The following CRIM1 variants were observed in gnomAD, a reference collection of about 807,000 sequenced individuals.
CRIM1 encodes the protein cysteine rich transmembrane BMP regulator 1.
In CRIM1, 32 loss-of-function variants were observed where a neutral mutation model predicts 116.4. The ratio of observed to expected loss-of-function variants is 0.27; its 90% CI spans 0.21 to 0.37. The LOEUF is 0.37. Among genes scored for constraint, CRIM1 ranks in the 10% least tolerant of loss-of-function variants. The pLI is 1.00. For missense variants in CRIM1, 1,331 were observed against 1,354.8 expected (o/e 0.98, Z 0.28); for synonymous variants, 590 against 509.2 (o/e 1.16, Z -2.13).
At chr2:36,466,241 T>C (rs932639582) in intron 5 of CRIM1, among the ~76,000 whole-genome samples, 1 of 152,018 alleles carries the variant, frequency 6.6e-6, no homozygotes, top group Non-Finnish European at 1.5e-5. Flanking sequence ...GTTCTGGACA[T>C]TGGGGATGGG....
intron 5 of CRIM1, among the ~76,000 whole-genome samples, chr2:36,468,857 G>A (rs548495818): frequency 1.3e-5 from 2 of 152,202 alleles, no homozygotes; most frequent in South Asian, 2.1e-4. Context: ...TCTTAGATAC[G>A]AGCATTTGTC....
intron 2 of CRIM1, among the ~76,000 whole-genome samples, chr2:36,406,439 GA>G: frequency 6.6e-6 from 1 of 152,206 alleles, no homozygotes; most frequent in African/African-American, 2.4e-5. Flanking sequence ...AATCAGCTGG[GA>G]CCTTGATGAT....
At position 36,474,225 on chromosome 2, in the gene CRIM1, T is replaced by G. The variant is rs2125033391; in HGVS notation, c.992-2664T>G. Among the ~76,000 whole-genome samples, 2 of 152,330 alleles carry G rather than the reference T, an allele frequency of 1.3e-5. 1 individual carries two copies. Among genetic ancestry groups the G allele is most frequent in the South Asian group, 4.2e-4 (2 of 4,816 alleles). ...AATTATGGGAGTTCTCGGTACCAGTTTTTTTAAATCAGATATATGATTGCA... is the reference window on the plus strand; with the variant it reads ...AATTATGGGAGTTCTCGGTACCAGTGTTTTTAAATCAGATATATGATTGCA... On this transcript the variant is annotated intron_variant, in intron 5 of 16. Transcript: ENST00000280527.
intron 1 of CRIM1, among the ~76,000 whole-genome samples, chr2:36,380,445 G>C (rs1224784814): frequency 6.6e-6 from 1 of 152,154 alleles, no homozygotes; most frequent in African/African-American, 2.4e-5. Flanking sequence ...GGGTGACCTT[G>C]ATAGGATGCA....
At chr2:36,386,350 C>G (rs142305115) in intron 1 of CRIM1, among the ~76,000 whole-genome samples, 244 of 152,228 alleles carry the variant, frequency 1.6e-3, no homozygotes, top group African/African-American at 5.8e-3. Flanking sequence ...TTCATTCACT[C>G]TTTTGACATG....
chr2:36,441,561 C>T, intron 3 of CRIM1, 61 bp downstream of exon 3: 3 of 1,578,336 alleles, frequency 1.9e-6, no homozygotes, highest in Middle Eastern at 1.7e-4. Flanking sequence ...GCAGATCCCT[C>T]CTCAGCCACC....
At chr2:36,357,125 CTT>C in intron 1 of CRIM1, among the ~76,000 whole-genome samples, 1 of 152,312 alleles carries the variant, frequency 6.6e-6, no homozygotes, top group South Asian at 2.1e-4. Context: ...CCGAGTGACT[CTT>C]ATTATTTTTT....
chr2:36,361,363 T>G (rs369279677), intron 1 of CRIM1, among the ~76,000 whole-genome samples: 8 of 152,222 alleles, frequency 5.3e-5, no homozygotes, highest in African/African-American at 1.9e-4. Flanking sequence ...GTGTAGGCAT[T>G]ACATCCATTT....
chr2:36,406,633 C>CCCCCA (rs1558548535), intron 2 of CRIM1, among the ~76,000 whole-genome samples: 1 of 118,214 alleles, frequency 8.5e-6, no homozygotes, highest in Non-Finnish European at 1.7e-5. Context: ...CCCCCCCCCC[C>CCCCCA]AAAAAAAAAC....
chr2:36,467,501 A>T lies in CRIM1; in HGVS notation c.991+2846A>T, dbSNP rs1678143386. 2.0e-5 allele frequency among the ~76,000 whole-genome samples: 3 copies of T among 152,236 alleles called. No homozygotes were observed. In the South Asian group the frequency reaches 6.2e-4, roughly 32 times the overall value. ...AGGTCACCATTAGAAGATACTACAT[A>T]TCAAAGATTCATTATCATCACTTAG... On this transcript the variant is annotated intron_variant, in intron 5 of 16. Coordinates refer to ENST00000280527, the MANE Select transcript of CRIM1 (RefSeq NM_016441.3).
intron 7 of CRIM1, among the ~76,000 whole-genome samples, chr2:36,486,365 C>A (rs1042790072): frequency 6.6e-6 from 1 of 152,158 alleles, no homozygotes; most frequent in Admixed American, 6.6e-5. Context: ...CCAAGTCCAG[C>A]ATGTCTTTGC....
chr2:36,378,326 G>A (rs1462441779), intron 1 of CRIM1: 1 of 471,002 alleles, frequency 2.1e-6, no homozygotes, highest in African/African-American at 2.0e-5. Flanking sequence ...TGTCCTCCTA[G>A]GCAGGCGCCA....
chr2:36,422,198 G>T (rs1241149519), intron 2 of CRIM1, among the ~76,000 whole-genome samples: 1 of 150,588 alleles, frequency 6.6e-6, no homozygotes, highest in Non-Finnish European at 1.5e-5. Context: ...TGTTTCTTGG[G>T]GGATTTGTCT....
chr2:36,492,265 T>G (rs1487969004), intron 7 of CRIM1, among the ~76,000 whole-genome samples: 1 of 152,170 alleles, frequency 6.6e-6, no homozygotes, highest in Non-Finnish European at 1.5e-5. Context: ...TGCTCTGAGA[T>G]AAGTACTTCA....
intron 1 of CRIM1, among the ~76,000 whole-genome samples, chr2:36,362,534 C>T (rs939843134): frequency 2.0e-5 from 3 of 152,172 alleles, no homozygotes; most frequent in Admixed American, 1.3e-4. Flanking sequence ...GCTTGTTTCA[C>T]TAGGCGGATA....
At chr2:36,513,476 C>G (rs970154885) in intron 10 of CRIM1, 80 bp from the exon 11 acceptor site, 1 of 1,107,668 alleles carries the variant, frequency 9.0e-7, no homozygotes, top group Non-Finnish European at 1.4e-6. Context: ...TGGCTGGGGT[C>G]CAGTCCATGT....
In CRIM1 at chr2:36,430,599, C is replaced by T. The variant is rs191782925; in HGVS notation, c.506-10659C>T. Among the ~76,000 whole-genome samples, 454 of 152,224 alleles carry T rather than the reference C, an allele frequency of 3.0e-3. 1 individual carries two copies. Among genetic ancestry groups the T allele is most frequent in the African/African-American group, 0.01 (429 of 41,536 alleles). ...AAAGGACACAAACAGGGCATAGAAA[C>T]GCGGGGCTCCATCAGGGGCTTGCCC... On this transcript the variant is annotated intron_variant, in intron 2 of 16. Coordinates refer to ENST00000280527, the MANE Select transcript of CRIM1 (RefSeq NM_016441.3).
intron 4 of CRIM1, among the ~76,000 whole-genome samples, chr2:36,454,130 A>G (rs1487564032): frequency 6.6e-6 from 1 of 151,152 alleles, no homozygotes; most frequent in Non-Finnish European, 1.5e-5. Flanking sequence ...CTCAGCCCTG[A>G]CCTCCCTCTC....
chr2:36,421,924 C>T (rs1052409237), intron 2 of CRIM1, among the ~76,000 whole-genome samples: 2 of 151,918 alleles, frequency 1.3e-5, no homozygotes, highest in Non-Finnish European at 2.9e-5. Flanking sequence ...TTTTGGGAAA[C>T]AGCCAAAAGG....
Sources: gnomAD v4.1 joint callset for allele counts (sites outside exome capture counted in the v4.1 genomes callset) on GRCh38, gnomAD v4.1.1 for gene constraint, MANE v1.5 for transcripts, NCBI Gene and HGNC (gene_info 2026-07-23, HGNC 2026-07-21) for gene names.